The following RBM47 variants were observed in gnomAD, a reference collection of about 807,000 sequenced individuals.
RBM47 encodes RNA-binding protein 47.
Under a neutral mutation model 47.1 loss-of-function variants are expected in RBM47, and 21 were observed. That is an observed-to-expected ratio of 0.45 (90% CI 0.32 to 0.64). The LOEUF is 0.64. Among genes scored for constraint, RBM47 ranks in the 30% least tolerant of loss-of-function variants. The pLI, the probability that RBM47 is intolerant of heterozygous loss-of-function variation, is 0.05. For missense variants in RBM47, 708 were observed against 870.9 expected (o/e 0.81, Z 2.35); for synonymous variants, 375 against 361.7 (o/e 1.04, Z -0.42).
intron 3 of RBM47, among the ~76,000 whole-genome samples, chr4:40,466,339 T>C (rs1487144475): frequency 6.8e-6 from 1 of 147,786 alleles, no homozygotes; most frequent in Non-Finnish European, 1.5e-5. Context: ...GTCAGATTTA[T>C]AAGCAACACA....
At position 40,550,626 on chromosome 4, in the gene RBM47, C is replaced by A. The variant is rs541180478; in HGVS notation, c.-239-6120G>T. On this transcript the variant is annotated intron_variant, in intron 1 of 6. Transcript: ENST00000295971. ...TAGAGATGGAGTTTCACCATGTGGG[C>A]CAGGCTGGTCTCAAACTCCTGACCT... Among the ~76,000 whole-genome samples the A allele has an allele frequency of 6.3e-3, 951 of 152,110 alleles. 8 individuals are homozygous for A. Among genetic ancestry groups the A allele is most frequent in the African/African-American group, 0.022 (905 of 41,462 alleles).
chr4:40,532,590 C>T (rs1049517235), intron 2 of RBM47, among the ~76,000 whole-genome samples: 1 of 151,604 alleles, frequency 6.6e-6, no homozygotes. Context: ...GGATTACAGG[C>T]GTGAGCCACC....
At chr4:40,592,281 G>T (rs1261865152) in intron 1 of RBM47, among the ~76,000 whole-genome samples, 1 of 149,636 alleles carries the variant, frequency 6.7e-6, no homozygotes, top group African/African-American at 2.5e-5. Flanking sequence ...TTTGAGGCAG[G>T]TCTTACTGGG....
At chr4:40,550,934 G>C (rs1005805303) in intron 1 of RBM47, among the ~76,000 whole-genome samples, 2 of 150,684 alleles carry the variant, frequency 1.3e-5, no homozygotes, top group African/African-American at 2.4e-5. Context: ...CCTTATGCAA[G>C]AAACATTTTG....
chr4:40,552,053 A>G (rs749570685), intron 1 of RBM47, among the ~76,000 whole-genome samples: 1 of 152,168 alleles, frequency 6.6e-6, no homozygotes, highest in South Asian at 2.1e-4. Context: ...CCATCTTTAT[A>G]CAAGACCTTG....
At chr4:40,500,772 A>G (rs951822856) in intron 2 of RBM47, among the ~76,000 whole-genome samples, 2 of 152,234 alleles carry the variant, frequency 1.3e-5, no homozygotes, top group Non-Finnish European at 2.9e-5. Context: ...GTCATTTTAA[A>G]AAATAATTTA....
intron 3 of RBM47, among the ~76,000 whole-genome samples, chr4:40,443,416 C>T (rs892962541): frequency 6.6e-6 from 1 of 151,874 alleles, no homozygotes; most frequent in African/African-American, 2.4e-5. Flanking sequence ...CATTAGAGGC[C>T]ATTAAAAAAT....
Position 40,436,588 on chromosome 4 carries a change from C to T in RBM47, c.1183G>A (p.Gly395Ser). Reference sequence around the variant, plus strand: ...GCAGAATATCCCCCGAGGTAGGAACCCCTAGGCCCTGGGGCTCTGTTGCCA... The same window carrying T: ...GCAGAATATCCCCCGAGGTAGGAACTCCTAGGCCCTGGGGCTCTGTTGCCA... The part of the protein sequence containing the change: ...AAGNRAPGPR[G>S]SYLGGYSAGR... The change falls in exon 5 of 7, where the codon GGT becomes AGT. Residue 395 changes from glycine (G) to serine (S), a missense_variant. Gly to Ser is a moderately conservative substitution (Grantham distance 56). Coordinates refer to ENST00000295971, the MANE Select transcript of RBM47 (RefSeq NM_001098634.2). 1.2e-6 allele frequency: 2 copies of T among 1,614,194 alleles called. No homozygotes were observed. Among genetic ancestry groups the T allele is most frequent in the Non-Finnish European group, 1.7e-6 (2 of 1,180,040 alleles).
intron 1 of RBM47, among the ~76,000 whole-genome samples, chr4:40,627,571 A>C (rs565981468): frequency 6.6e-6 from 1 of 152,368 alleles, no homozygotes; most frequent in African/African-American, 2.4e-5. Context: ...TTCAGAGCAG[A>C]ATTTGAAAAG....
intron 3 of RBM47, among the ~76,000 whole-genome samples, chr4:40,447,964 T>G (rs1283805453): frequency 6.6e-6 from 1 of 151,536 alleles, no homozygotes; most frequent in African/African-American, 2.4e-5. Context: ...TGAGCCGAGA[T>G]CGTGCCACTG....
At chr4:40,627,498 T>C (rs2154282684) in intron 1 of RBM47, among the ~76,000 whole-genome samples, 1 of 152,318 alleles carries the variant, frequency 6.6e-6, no homozygotes. Context: ...CTTACTGAAA[T>C]AGCCAAATGC....
chr4:40,458,496 T>C (rs896462185), intron 3 of RBM47, among the ~76,000 whole-genome samples: 1 of 152,232 alleles, frequency 6.6e-6, no homozygotes. Flanking sequence ...TGAGTTAAAA[T>C]ACTTTCTTCT....
At chr4:40,558,758 G>C (rs1268206128) in intron 1 of RBM47, among the ~76,000 whole-genome samples, 1 of 151,672 alleles carries the variant, frequency 6.6e-6, no homozygotes, top group Non-Finnish European at 1.5e-5. Context: ...AACTCGGGAG[G>C]CAGAGGTTGT....
intron 3 of RBM47, among the ~76,000 whole-genome samples, chr4:40,457,024 CT>C (rs891384510): frequency 6.6e-6 from 1 of 152,184 alleles, no homozygotes; most frequent in Admixed American, 6.5e-5. Flanking sequence ...TGGGGTGATA[CT>C]TTATAATTTA....
intron 3 of RBM47, among the ~76,000 whole-genome samples, chr4:40,457,190 G>C (rs1293118983): frequency 6.6e-6 from 1 of 151,270 alleles, no homozygotes; most frequent in Non-Finnish European, 1.5e-5. Flanking sequence ...GAGGCCAAGT[G>C]GAGCGGATCA....
At chr4:40,589,901 G>A (rs1322209420) in intron 1 of RBM47, among the ~76,000 whole-genome samples, 1 of 152,120 alleles carries the variant, frequency 6.6e-6, no homozygotes, top group South Asian at 2.1e-4. Context: ...TGAGACAGGC[G>A]GCGGCTTTCA....
intron 1 of RBM47, among the ~76,000 whole-genome samples, chr4:40,549,886 G>A (rs768838027): frequency 2.0e-5 from 3 of 151,862 alleles, no homozygotes; most frequent in Non-Finnish European, 4.4e-5. Flanking sequence ...TCACCATGTT[G>A]GTCTCGAACT....
rs1430856280 is a variant in RBM47, at chr4:40,424,339, T to A, written c.*1565A>T. On this transcript the variant is annotated 3_prime_UTR_variant, in exon 7 of 7. Coordinates refer to ENST00000295971, the MANE Select transcript of RBM47 (RefSeq NM_001098634.2). ...TTAAAAAACAATTCCAAGTTGATAT[T>A]TTTTTTTAAAAAGTAGATGACAATC... The A allele has an allele frequency of 1.3e-5, 2 of 152,460 alleles. No individual in the cohort carries two copies. Among genetic ancestry groups the A allele is most frequent in the East Asian group, 3.9e-4 (2 of 5,194 alleles). 9.4% of individuals were successfully genotyped at this position (152,460 alleles called of 1,614,324 possible). A position where few individuals can be genotyped will look rare whatever the true frequency, so the allele number is the denominator to read the frequency against.
chr4:40,599,321 T>C (rs1424536151), intron 1 of RBM47, among the ~76,000 whole-genome samples: 7 of 150,772 alleles, frequency 4.6e-5, no homozygotes, highest in Non-Finnish European at 7.4e-5. Flanking sequence ...AGAAAATAAG[T>C]TCAGCAGGAT....
Sources: allele counts gnomAD v4.1 joint callset (sites outside exome capture counted in the v4.1 genomes callset), GRCh38; gene constraint gnomAD v4.1.1; transcripts MANE v1.5; gene names NCBI Gene and HGNC (gene_info 2026-07-23, HGNC 2026-07-21).